The following SMYD3 variants were observed in gnomAD, a reference collection of about 807,000 sequenced individuals.
SMYD3 encodes SET and MYND domain containing 3.
Under a neutral mutation model 57.7 loss-of-function variants are expected in SMYD3, and 36 were observed. The observed-to-expected ratio is 0.62, with a 90% CI of 0.48 to 0.82. SMYD3 has a LOEUF of 0.82. Ranked by LOEUF, SMYD3 falls within the 40% of genes least tolerant of loss-of-function variation. The pLI, the probability that SMYD3 is intolerant of heterozygous loss-of-function variation, is 0.00. For missense variants in SMYD3, 515 were observed against 538.8 expected (o/e 0.96, Z 0.44); for synonymous variants, 211 against 195.0 (o/e 1.08, Z -0.68).
At chr1:245,804,983 T>C (rs1050339542) in intron 10 of SMYD3, among the ~76,000 whole-genome samples, 1 of 152,210 alleles carries the variant, frequency 6.6e-6, no homozygotes, top group Non-Finnish European at 1.5e-5. Flanking sequence ...TCTCAAAATG[T>C]TGAACTGAAT....
intron 5 of SMYD3, among the ~76,000 whole-genome samples, chr1:246,232,051 C>T (rs984463359): frequency 5.9e-5 from 9 of 152,026 alleles, no homozygotes; most frequent in African/African-American, 2.2e-4. Context: ...TGATCCTTTC[C>T]GAGTCTAACT....
At chr1:246,288,709 C>T (rs1327331665) in intron 5 of SMYD3, among the ~76,000 whole-genome samples, 4 of 152,180 alleles carry the variant, frequency 2.6e-5, no homozygotes, top group South Asian at 4.1e-4. Context: ...CTTTAAACTA[C>T]AAGAAACAGA....
chr1:246,209,506 T>A lies in SMYD3; in HGVS notation c.531+117695A>T, dbSNP rs191964250. On this transcript the variant is annotated intron_variant, in intron 5 of 11. Coordinates refer to ENST00000490107, the MANE Select transcript of SMYD3 (RefSeq NM_001167740.2). ...ATAAGCAAAAATCACTTAAGCTTTA[T>A]AAGCATAGAAGATTTTATTAAAGGA... Among the ~76,000 whole-genome samples the A allele has an allele frequency of 1.8e-4, 27 of 152,136 alleles. No individual in the cohort carries two copies. In the East Asian group the frequency reaches 3.3e-3, roughly 18 times the overall value.
At chr1:246,264,862 A>G (rs2064074786) in intron 5 of SMYD3, among the ~76,000 whole-genome samples, 1 of 152,210 alleles carries the variant, frequency 6.6e-6, no homozygotes, top group Non-Finnish European at 1.5e-5. Context: ...GCTATGTTCT[A>G]AACACTTTAC....
intron 2 of SMYD3, among the ~76,000 whole-genome samples, chr1:246,351,100 T>A (rs996238107): frequency 6.6e-6 from 1 of 152,166 alleles, no homozygotes; most frequent in Non-Finnish European, 1.5e-5. Flanking sequence ...TTTCTACCCA[T>A]CGAATATGAA....
chr1:246,000,077 G>T (rs529687636), intron 5 of SMYD3, among the ~76,000 whole-genome samples: 1 of 152,302 alleles, frequency 6.6e-6, no homozygotes, highest in East Asian at 1.9e-4. Context: ...ACTCAGTAAT[G>T]GTTGACTGAA....
intron 5 of SMYD3, among the ~76,000 whole-genome samples, chr1:245,967,732 G>A (rs1396302426): frequency 2.0e-5 from 3 of 152,164 alleles, no homozygotes; most frequent in Non-Finnish European, 4.4e-5. Flanking sequence ...CTTATTAAAG[G>A]AACAGAGACA....
intron 8 of SMYD3, among the ~76,000 whole-genome samples, chr1:245,913,176 G>A (rs1455215741): frequency 6.6e-6 from 1 of 152,060 alleles, no homozygotes; most frequent in African/African-American, 2.4e-5. Flanking sequence ...GGAATACTAT[G>A]CAGCCATAAA....
Position 246,233,757 on chromosome 1 carries a change from A to G in SMYD3, c.531+93444T>C, listed in dbSNP as rs201976807. Among the ~76,000 whole-genome samples, 7 of 98,920 alleles carry G rather than the reference A, an allele frequency of 7.1e-5. 1 individual carries two copies. Among genetic ancestry groups the G allele is most frequent in the Admixed American group, 4.7e-4 (4 of 8,588 alleles). The allele number at this position is 98,920 out of a possible 152,430, so 64.9% of individuals were successfully genotyped here. ...CCTCAATTCACACTGTGATGAACAT[A>G]TACCACGCAGAGGAGAAACGCTCCT... On this transcript the variant is annotated intron_variant, in intron 5 of 11. Coordinates refer to ENST00000490107, the MANE Select transcript of SMYD3 (RefSeq NM_001167740.2).
intron 1 of SMYD3, among the ~76,000 whole-genome samples, chr1:246,425,635 C>G (rs891512936): frequency 5.3e-5 from 8 of 152,170 alleles, no homozygotes; most frequent in Non-Finnish European, 1.2e-4. Context: ...TGTAGCTTCA[C>G]AAAAGTACCC....
At chr1:246,132,018 A>G (rs1481013537) in intron 5 of SMYD3, among the ~76,000 whole-genome samples, 3 of 152,122 alleles carry the variant, frequency 2.0e-5, no homozygotes, top group Non-Finnish European at 4.4e-5. Flanking sequence ...TGAAAAATGA[A>G]TGTTGAAATT....
intron 5 of SMYD3, among the ~76,000 whole-genome samples, chr1:246,086,893 G>C (rs1191991364): frequency 1.3e-5 from 2 of 151,886 alleles, no homozygotes; most frequent in African/African-American, 2.4e-5. Flanking sequence ...TCGCCCTTCC[G>C]ACAGGCCCAG....
chr1:245,800,239 G>C (rs2047789174), intron 10 of SMYD3, among the ~76,000 whole-genome samples: 1 of 152,026 alleles, frequency 6.6e-6, no homozygotes, highest in Admixed American at 6.5e-5. Context: ...TCTCACAACT[G>C]GGCTCCCTTC....
intron 5 of SMYD3, among the ~76,000 whole-genome samples, chr1:245,945,026 T>TA (rs934093567): frequency 3.3e-5 from 5 of 151,776 alleles, no homozygotes; most frequent in African/African-American, 9.7e-5. Flanking sequence ...CATAAAACTA[T>TA]AAAAAACTCC....
chr1:246,437,537 C>G (rs542390488), intron 1 of SMYD3, among the ~76,000 whole-genome samples: 29 of 152,294 alleles, frequency 1.9e-4, no homozygotes, highest in African/African-American at 7.0e-4. Context: ...AAGTCATGAA[C>G]TTGTCATTGT....
intron 11 of SMYD3, among the ~76,000 whole-genome samples, chr1:245,753,291 T>G (rs1287969449): frequency 6.6e-6 from 1 of 150,382 alleles, no homozygotes; most frequent in East Asian, 1.9e-4. Context: ...GTCTAGAAAG[T>G]AAAACGCCAT....
intron 5 of SMYD3, among the ~76,000 whole-genome samples, chr1:246,268,660 C>T (rs2064157326): frequency 2.0e-5 from 3 of 151,718 alleles, no homozygotes; most frequent in East Asian, 1.9e-4. Flanking sequence ...GCCAAGATCT[C>T]GCCACTGCAC....
At chr1:246,409,004 C>T (rs2066916165) in intron 1 of SMYD3, among the ~76,000 whole-genome samples, 1 of 145,374 alleles carries the variant, frequency 6.9e-6, no homozygotes. Context: ...AGGTTCATAT[C>T]CTTCACCCAC....
intron 5 of SMYD3, among the ~76,000 whole-genome samples, chr1:246,012,080 T>C (rs2059292187): frequency 6.6e-6 from 1 of 152,184 alleles, no homozygotes; most frequent in South Asian, 2.1e-4. Flanking sequence ...GCTCGATGAC[T>C]GAACATAAGC....
Sources: allele counts gnomAD v4.1 joint callset (sites outside exome capture counted in the v4.1 genomes callset), GRCh38; gene constraint gnomAD v4.1.1; transcripts MANE v1.5; gene names NCBI Gene and HGNC (gene_info 2026-07-23, HGNC 2026-07-21).